Variants in ZSWIM2 observed in about 807,000 individuals in gnomAD.
ZSWIM2 encodes the protein zinc finger SWIM-type containing 2, also known as E3 ubiquitin-protein ligase ZSWIM2.
In ZSWIM2, 38 loss-of-function variants were observed where a neutral mutation model predicts 48.4. That is an observed-to-expected ratio of 0.79 (90% CI 0.61 to 1.03). The LOEUF (loss-of-function observed/expected upper bound fraction) is 1.03, where lower values mean the gene tolerates loss of function less well. ZSWIM2 is among the 50% of genes least tolerant of loss of function. The pLI, the probability that ZSWIM2 is intolerant of heterozygous loss-of-function variation, is 0.00. For synonymous variants in ZSWIM2, 240 were observed against 251.3 expected, an observed-to-expected ratio of 0.96 and a Z score of 0.42; for missense variants, 776 against 730.2, an observed-to-expected ratio of 1.06 and a Z score of -0.72.
intron 3 of ZSWIM2, among the ~76,000 whole-genome samples, chr2:186,841,908 AG>A (rs1039414123): frequency 2.0e-5 from 3 of 151,360 alleles, no homozygotes; most frequent in Non-Finnish European, 4.5e-5. Flanking sequence ...AATTCCAAAA[AG>A]AAGATAGTAT....
intron 2 of ZSWIM2, among the ~76,000 whole-genome samples, chr2:186,846,827 A>ATATATAT (rs57335605): frequency 7.0e-6 from 1 of 142,526 alleles, no homozygotes; most frequent in African/African-American, 2.6e-5. Context: ...ATATATATAT[A>ATATATAT]ATGTAATAGA....
Position 186,827,520 on chromosome 2 carries a change from G to C in ZSWIM2, c.*464C>G, listed in dbSNP as rs953230303. Among the ~76,000 whole-genome samples, 4 of 151,152 alleles carry C rather than the reference G, an allele frequency of 2.6e-5. No homozygotes were observed. Among genetic ancestry groups the C allele is most frequent in the Non-Finnish European group, 5.9e-5 (4 of 67,730 alleles). On this transcript the variant is annotated 3_prime_UTR_variant, in exon 9 of 9. Coordinates refer to ENST00000295131, the MANE Select transcript of ZSWIM2 (RefSeq NM_182521.3). ...GTATTTCATTTTATTTTCATTTTAT[G>C]TATAAGAAAACTCCTTTATGGAGTT...
chr2:186,831,313 T>A (rs1344326761), intron 7 of ZSWIM2, among the ~76,000 whole-genome samples: 1 of 150,864 alleles, frequency 6.6e-6, no homozygotes, highest in Non-Finnish European at 1.5e-5. Flanking sequence ...ATATATCAAC[T>A]GAAGTCTGGA....
intron 2 of ZSWIM2, among the ~76,000 whole-genome samples, chr2:186,846,934 T>G (rs1301839806): frequency 6.6e-6 from 1 of 151,640 alleles, no homozygotes; most frequent in African/African-American, 2.4e-5. Context: ...AAATAGAAAG[T>G]CAAATACTGC....
intron 2 of ZSWIM2, among the ~76,000 whole-genome samples, chr2:186,847,033 G>A (rs891421158): frequency 1.3e-5 from 2 of 151,538 alleles, no homozygotes; most frequent in African/African-American, 4.9e-5. Flanking sequence ...AAACTGGGAG[G>A]GTGGGAAGGG....
intron 5 of ZSWIM2, among the ~76,000 whole-genome samples, chr2:186,835,494 G>A (rs547884374): frequency 2.8e-5 from 4 of 144,578 alleles, no homozygotes; most frequent in African/African-American, 1.1e-4. Context: ...TGTACATACA[G>A]GGAAGATTTT....
chr2:186,848,286 T>A (rs1388119442), intron 1 of ZSWIM2, among the ~76,000 whole-genome samples: 3 of 152,168 alleles, frequency 2.0e-5, no homozygotes, highest in Non-Finnish European at 2.9e-5. Context: ...TAAAAAAAGA[T>A]GCTTTAAATA....
chr2:186,833,507 C>T (rs1036668229), intron 6 of ZSWIM2, among the ~76,000 whole-genome samples: 3 of 151,996 alleles, frequency 2.0e-5, no homozygotes, highest in Non-Finnish European at 4.4e-5. Flanking sequence ...TGTTATTATT[C>T]AGCATCAGGA....
intron 2 of ZSWIM2, among the ~76,000 whole-genome samples, chr2:186,846,261 A>T (rs937186498): frequency 3.9e-5 from 6 of 152,004 alleles, no homozygotes; most frequent in Non-Finnish European, 8.8e-5. Context: ...TCCTGAATCT[A>T]TAAGGAACTG....
At chr2:186,837,125 TC>T (rs1380323222) in intron 5 of ZSWIM2, among the ~76,000 whole-genome samples, 180 bp downstream of exon 5, 5 of 152,014 alleles carry the variant, frequency 3.3e-5, no homozygotes, top group Admixed American at 1.3e-4. Flanking sequence ...CGATTGGAGT[TC>T]CTGAGATACT....
In ZSWIM2 at chr2:186,827,594, A is replaced by G. The variant is rs753876604; in HGVS notation, c.*390T>C. 2.0e-5 allele frequency among the ~76,000 whole-genome samples: 3 copies of G among 151,996 alleles called. No homozygotes were observed. Among genetic ancestry groups the G allele is most frequent in the Non-Finnish European group, 4.4e-5 (3 of 67,960 alleles). On this transcript the variant is annotated 3_prime_UTR_variant, in exon 9 of 9. Coordinates refer to ENST00000295131, the MANE Select transcript of ZSWIM2 (RefSeq NM_182521.3). ...TTGTGGTAATTACTAGTGCAAGAAAAATGCAAAAAATACAGAAGTACCGGG... is the reference window on the plus strand; with the variant it reads ...TTGTGGTAATTACTAGTGCAAGAAAGATGCAAAAAATACAGAAGTACCGGG...
intron 2 of ZSWIM2, among the ~76,000 whole-genome samples, chr2:186,847,078 T>G (rs3100041): frequency 6.8e-6 from 1 of 146,898 alleles, no homozygotes; most frequent in African/African-American, 2.7e-5. Context: ...GGGTACAATG[T>G]TCACTATTGG....
intron 1 of ZSWIM2, chr2:186,848,692 G>C (rs1692047301): frequency 2.7e-6 from 1 of 366,660 alleles, no homozygotes; most frequent in Non-Finnish European, 5.1e-6. Flanking sequence ...ATACGCCTCT[G>C]ACATTTTCAA....
Position 186,839,119 on chromosome 2 carries a change from C to G in ZSWIM2, c.334G>C (p.Gly112Arg). Residue 112 changes from glycine to arginine, a missense_variant, in exon 4 of 9, where the codon GGG (glycine) becomes CGG (arginine). Transcript: ENST00000295131. ...GEREISDLLR[G>R]IHRVQTPQPG... ...TGGGGAGTTTGAACTCGATGTATCC[C>G]CCGAAGCAAGTCACTTATCTCTCTT... The G allele has an allele frequency of 1.2e-6, 2 of 1,611,466 alleles. No individual in the cohort carries two copies. The highest frequency in any genetic ancestry group is 1.7e-6 in the Non-Finnish European group (2 of 1,178,214).
In ZSWIM2 at chr2:186,829,795, G is replaced by A; in HGVS notation, c.1027C>T (p.Gln343Ter). ...KNSKLLAPGY[Q>*]CLLCLKAFHL... The stretch of plus-strand genomic sequence containing the variant: ...AATGCCTTCAAACAAAGTAGACACT[G>A]GTAGCCTGGAGCAAGCAGCTTACTA... The change falls in exon 8 of 9, where the codon CAG (glutamine) becomes TAG (stop). Residue 343 changes from glutamine (Q) to a stop codon, truncating the protein, a stop_gained. Transcript: ENST00000295131. LOFTEE classifies it high-confidence loss of function. 1.2e-6 allele frequency: 2 copies of A among 1,613,590 alleles called. No individual in the cohort carries two copies. Among genetic ancestry groups the A allele is most frequent in the Non-Finnish European group, 1.7e-6 (2 of 1,179,718 alleles).
In ZSWIM2 at chr2:186,828,793, T is replaced by G. The variant is rs1276618602; in HGVS notation, c.1096-3A>C. ...TTGTCAATACACTTCCTGTGAAACT[T>G]TAAAAAAAAGGTAAGCTAATCAGAA... On this transcript the variant is annotated splice_polypyrimidine_tract_variant and splice_region_variant and intron_variant, in intron 8 of 8. Transcript: ENST00000295131. The G allele has an allele frequency of 1.8e-5, 27 of 1,504,040 alleles. No individual in the cohort carries two copies. Among genetic ancestry groups the G allele is most frequent in the Non-Finnish European group, 2.3e-5 (26 of 1,129,322 alleles). 93.2% of individuals were successfully genotyped at this position (1,504,040 alleles called of 1,614,324 possible). A position where few individuals can be genotyped will look rare whatever the true frequency, so the allele number is the denominator to read the frequency against.
chr2:186,845,250 A>T (rs1691977061), intron 2 of ZSWIM2, among the ~76,000 whole-genome samples: 1 of 151,502 alleles, frequency 6.6e-6, no homozygotes, highest in South Asian at 2.1e-4. Context: ...TTAAATTATT[A>T]TTCAAAGATA....
intron 5 of ZSWIM2, among the ~76,000 whole-genome samples, chr2:186,835,871 G>A (rs921157473): frequency 7.2e-5 from 11 of 152,266 alleles, no homozygotes; most frequent in South Asian, 2.1e-4. Context: ...AGCCAGATCC[G>A]TAGAGGAGAA....
rs1691823755 is a variant in ZSWIM2 at position 186,837,714 on chromosome 2, T to C, written c.495-160A>G. Among the ~76,000 whole-genome samples, 4 of 150,006 alleles carry C rather than the reference T, an allele frequency of 2.7e-5. No individual in the cohort carries two copies. In the South Asian group the frequency reaches 8.3e-4, roughly 31 times the overall value. On this transcript the variant is annotated intron_variant, in intron 4 of 8. Transcript: ENST00000295131. The stretch of plus-strand genomic sequence containing the variant: ...TAGATTCTGAACTGATTTTCAGCTA[T>C]AGCTTGATTACACACACACACTCAC...
Sources: allele counts gnomAD v4.1 joint callset (sites outside exome capture counted in the v4.1 genomes callset), GRCh38; gene constraint gnomAD v4.1.1; transcripts MANE v1.5; gene names NCBI Gene and HGNC (gene_info 2026-07-23, HGNC 2026-07-21).